Variants in ESS2 observed in about 807,000 individuals in gnomAD.
ESS2 encodes splicing factor ESS-2 homolog.
A neutral mutation model predicts 52.0 loss-of-function variants in ESS2; 31 were observed. The ratio of observed to expected loss-of-function variants is 0.60; its 90% CI spans 0.45 to 0.81. The LOEUF is 0.81. Ranked by LOEUF, ESS2 falls within the 30% of genes least tolerant of loss-of-function variation. ESS2 has a pLI of 0.00. For missense variants in ESS2, 602 were observed against 637.2 expected (o/e 0.94, Z 0.59); for synonymous variants, 285 against 259.2 (o/e 1.10, Z -0.95).
Position 19,137,729 on chromosome 22 carries a change from C to T in ESS2, c.926-297G>A, listed in dbSNP as rs977329879. 3 of 985,224 alleles carry T rather than the reference C, an allele frequency of 3.0e-6. No individual in the cohort carries two copies. In the African/African-American group the frequency reaches 5.2e-5, roughly 17 times the overall value. 61.0% of individuals were successfully genotyped at this position (985,224 alleles called of 1,614,324 possible). A position where few individuals can be genotyped will look rare whatever the true frequency, so the allele number is the denominator to read the frequency against. ...AGACACTCAGGCCTTCCAGGGCTCC[C>T]AAACCTCCTAGAACCCCAGGCAAAC... On this transcript the variant is annotated intron_variant, in intron 7 of 9. Coordinates refer to ENST00000252137, the MANE Select transcript of ESS2 (RefSeq NM_022719.3).
In ESS2 at chr22:19,138,131, G is replaced by A. The variant is rs186694150; in HGVS notation, c.925+84C>T. Reference sequence around the variant, plus strand: ...TGTGGGGCAGGCCAGGTAGAGGCCAGGAGTGGCCAGGGCCGACTGAGAAGC... The same window carrying A: ...TGTGGGGCAGGCCAGGTAGAGGCCAAGAGTGGCCAGGGCCGACTGAGAAGC... On this transcript the variant is annotated intron_variant, in intron 7 of 9. Coordinates refer to ENST00000252137, the MANE Select transcript of ESS2 (RefSeq NM_022719.3). 74 of 1,593,020 alleles carry A rather than the reference G, an allele frequency of 4.6e-5. No individual in the cohort carries two copies. The African/African-American group carries it at 8.1e-4, about 17-fold the overall frequency.
rs1201433738 is a variant in ESS2, at chr22:19,142,907, A to AT, written c.136-14dup. 3 of 1,608,490 alleles carry AT rather than the reference A, an allele frequency of 1.9e-6. No individual in the cohort carries two copies. Among genetic ancestry groups the AT allele is most frequent in the Non-Finnish European group, 2.5e-6 (3 of 1,177,474 alleles). Reference sequence around the variant, plus strand: ...CCGTCTGGAGGCCCTGCAAGGAGAGATCAGAATGAAAGTCAGAGGCCAGGC... The same window carrying AT: ...CCGTCTGGAGGCCCTGCAAGGAGAGATTCAGAATGAAAGTCAGAGGCCAGGC... On this transcript the variant is annotated splice_polypyrimidine_tract_variant and intron_variant, in intron 1 of 9. Coordinates refer to ENST00000252137, the MANE Select transcript of ESS2 (RefSeq NM_022719.3).
intron 6 of ESS2, among the ~76,000 whole-genome samples, chr22:19,138,929 C>A (rs1051491383): frequency 6.6e-6 from 1 of 152,206 alleles, no homozygotes; most frequent in Admixed American, 6.5e-5. Context: ...CCTGCCCCTG[C>A]CATCAAGGGA....
chr22:19,144,646 T>G lies in ESS2; in HGVS notation c.-6A>C. ...GATGCGCCCGGCGTCTCCATCGCTATCCCAGGAAAAAGCTCGGGCCCAGCA... is the reference window on the plus strand; with the variant it reads ...GATGCGCCCGGCGTCTCCATCGCTAGCCCAGGAAAAAGCTCGGGCCCAGCA... On this transcript the variant is annotated 5_prime_UTR_variant, in exon 1 of 10. Coordinates refer to ENST00000252137, the MANE Select transcript of ESS2 (RefSeq NM_022719.3). 6.7e-7 allele frequency: 1 copy of G among 1,502,754 alleles called. No individual in the cohort carries two copies. The highest frequency in any genetic ancestry group is 2.5e-5 in the East Asian group (1 of 39,364). The allele number at this position is 1,502,754 out of a possible 1,614,324, so 93.1% of individuals were successfully genotyped here.
intron 3 of ESS2, 40 bp from the exon 4 acceptor site, chr22:19,140,064 G>A: frequency 3.7e-6 from 6 of 1,606,532 alleles, no homozygotes; most frequent in Non-Finnish European, 5.1e-6. Context: ...AGCACCCTTT[G>A]CAGTCAGGAA....
chr22:19,137,349 C>A lies in ESS2; in HGVS notation c.1009G>T (p.Asp337Tyr). 6.2e-7 allele frequency: 1 copy of A among 1,613,736 alleles called. No homozygotes were observed. Among genetic ancestry groups the A allele is most frequent in the Non-Finnish European group, 8.5e-7 (1 of 1,179,804 alleles). ...RVEGSETPYV[D>Y]RTPGPAFKIL... ...TTAAAAGCTGGGCCGGGTGTCCTGT[C>A]CACGTAGGGCGTTTCCGACCCTTCA... Residue 337 changes from aspartate (D) to tyrosine (Y), a missense_variant, in exon 8 of 10, where the codon GAC becomes TAC. Transcript: ENST00000252137.
Position 19,132,770 on chromosome 22 carries a change from G to A in ESS2, c.*1426C>T, listed in dbSNP as rs1437172471. ...CAACCGCCCCACCTGACACACAGTG[G>A]TCTCCGGCCTAGGAGCACAGGACAG... On this transcript the variant is annotated 3_prime_UTR_variant, in exon 10 of 10. Coordinates refer to ENST00000252137, the MANE Select transcript of ESS2 (RefSeq NM_022719.3). The surrounding 1 kb of genome is among the most constrained non-coding windows in gnomAD (Gnocchi z 4.2). 7.4e-6 allele frequency: 3 copies of A among 404,398 alleles called. No homozygotes were observed. The highest frequency in any genetic ancestry group is 1.4e-5 in the Non-Finnish European group (3 of 220,448). The allele number at this position is 404,398 out of a possible 1,614,324, so 25.1% of individuals were successfully genotyped here.
rs766419391 is a variant in ESS2, at chr22:19,142,739, C to G, written c.291G>C (p.Glu97Asp). The G allele has an allele frequency of 6.2e-7, 1 of 1,613,836 alleles. No homozygotes were observed. The highest frequency in any genetic ancestry group is 8.5e-7 in the Non-Finnish European group (1 of 1,179,850). The change falls in exon 2 of 10, where the codon GAG (glutamate) becomes GAC (aspartate). Residue 97 changes from glutamate (E) to aspartate (D), a missense_variant. Physicochemically the swap from Glu to Asp is conservative, Grantham distance 45 (BLOSUM62 2). Coordinates refer to ENST00000252137, the MANE Select transcript of ESS2 (RefSeq NM_022719.3). ...FGSALGKMSR[E>D]PPPPYVTPAT... ...GGGTCCTCATACAGGGTGGCGGGGG[C>G]TCCCGGGACATCTTGCCCAAGGCAG...
Position 19,139,646 on chromosome 22 carries a change from G to GTA in ESS2, c.652_653dup (p.Lys219ThrfsTer43). 1.2e-6 allele frequency: 2 copies of GTA among 1,614,168 alleles called. No homozygotes were observed. The highest frequency in any genetic ancestry group is 1.7e-6 in the Non-Finnish European group (2 of 1,180,024). ...AGTACATGAGGGAATTCTTGGCCTT[G>GTA]TACTTCCAGGTCTCCACACTGGCCT... On this transcript the variant is annotated frameshift_variant, in exon 5 of 10. Coordinates refer to ENST00000252137, the MANE Select transcript of ESS2 (RefSeq NM_022719.3). LOFTEE classifies it high-confidence loss of function.
At chr22:19,138,082 A>G (rs2083615712) in intron 7 of ESS2, 133 bp downstream of exon 7, 5 of 1,500,566 alleles carry the variant, frequency 3.3e-6, no homozygotes, top group Non-Finnish European at 4.4e-6. Flanking sequence ...CAGACAGGAG[A>G]CCAGGTCCCT....
chr22:19,144,086 T>C (rs938779046), intron 1 of ESS2: 32 of 1,005,896 alleles, frequency 3.2e-5, no homozygotes, highest in East Asian at 1.1e-4. Flanking sequence ...AGCTCCTCCT[T>C]CTGTGTGCGT....
At chr22:19,141,365 C>G (rs2083683255) in intron 3 of ESS2, among the ~76,000 whole-genome samples, 1 of 152,154 alleles carries the variant, frequency 6.6e-6, no homozygotes, top group African/African-American at 2.4e-5. Flanking sequence ...TATACATGCA[C>G]TGACATTCTA....
rs769830493 is a variant in ESS2, at chr22:19,139,186, G to A, written c.795C>T (p.Leu265=). The A allele has an allele frequency of 1.2e-6, 2 of 1,603,970 alleles. No homozygotes were observed. The highest frequency in any genetic ancestry group is 1.1e-5 in the South Asian group (1 of 89,386). ...PFSQALSRCQ[L]QQAAALNAQH... is the part of the protein sequence containing the mutation. ...GGGCATTGAGGGCGGCTGCCTGCTG[G>A]AGCTGGCACCTGCTCAGGGCTTGGC... Residue 265 remains leucine (L), a synonymous_variant, in exon 6 of 10, where the codon CTC becomes CTT. Transcript: ENST00000252137.
intron 8 of ESS2, 62 bp downstream of exon 8, chr22:19,137,261 C>A (rs2083598909): frequency 3.3e-6 from 4 of 1,225,248 alleles, no homozygotes; most frequent in Non-Finnish European, 4.7e-6. Flanking sequence ...GAGCCACAGG[C>A]ACTCAGGGCT....
rs761090528 is a variant in ESS2, at chr22:19,131,687, C to T, written c.*2509G>A. 6 of 1,613,936 alleles carry T rather than the reference C, an allele frequency of 3.7e-6. No homozygotes were observed. The highest frequency in any genetic ancestry group is 2.2e-5 in the South Asian group (2 of 91,072). ...TCATCATGGAGCTTGGCGTCCAGGG[C>T]GACCTCCTCGAGTTCATCAAGTGCC... On this transcript the variant is annotated 3_prime_UTR_variant, in exon 10 of 10. Transcript: ENST00000252137. The surrounding 1 kb of genome is among the most constrained non-coding windows in gnomAD (Gnocchi z 5.7).
intron 2 of ESS2, 25 bp downstream of exon 2, chr22:19,142,701 T>C (rs1601365898): frequency 6.2e-7 from 1 of 1,610,724 alleles, no homozygotes; most frequent in South Asian, 1.1e-5. Flanking sequence ...CTTTCCCCTC[T>C]CCGCCACCCA....
At position 19,130,566 on chromosome 22, in the gene ESS2, C is replaced by T. The variant is rs1158969579; in HGVS notation, c.*3630G>A. ...GATTATTTCGATTGTATCTCCTTTA[C>T]AGCTTGGTCCAGAGAGCTGCCTTAG... On this transcript the variant is annotated 3_prime_UTR_variant, in exon 10 of 10. Coordinates refer to ENST00000252137, the MANE Select transcript of ESS2 (RefSeq NM_022719.3). The T allele has an allele frequency of 1.8e-5, 8 of 433,086 alleles. No individual in the cohort carries two copies. The East Asian group carries it at 5.8e-4, about 31-fold the overall frequency. 26.8% of individuals were successfully genotyped at this position (433,086 alleles called of 1,614,324 possible).
intron 6 of ESS2, among the ~76,000 whole-genome samples, chr22:19,138,858 T>C (rs989153677): frequency 3.9e-5 from 6 of 152,202 alleles, no homozygotes; most frequent in Admixed American, 6.5e-5. Flanking sequence ...CTGGCTTCCC[T>C]GCCCGGTGTG....
In ESS2 at chr22:19,134,269, G is replaced by A. The variant is rs2083541090; in HGVS notation, c.1358C>T (p.Thr453Ile). The A allele has an allele frequency of 6.3e-7, 1 of 1,587,526 alleles. No homozygotes were observed. Among genetic ancestry groups the A allele is most frequent in the Middle Eastern group, 1.7e-4 (1 of 5,832 alleles). ...APGSATRTPL[T>I]QDPASITDNL... ...GTCCGTGATGGAGGCCGGGTCCTGT[G>A]TGAGAGGGGTGCGTGTGGCAGAGCC... Residue 453 changes from threonine to isoleucine, a missense_variant, in exon 10 of 10, where the codon ACA (threonine) becomes ATA (isoleucine). Coordinates refer to ENST00000252137, the MANE Select transcript of ESS2 (RefSeq NM_022719.3).
Sources: gnomAD v4.1 joint callset for allele counts (sites outside exome capture counted in the v4.1 genomes callset) on GRCh38, gnomAD v4.1.1 for gene constraint, Gnocchi (gnomAD v3.1) non-coding constraint, MANE v1.5 for transcripts, NCBI Gene and HGNC (gene_info 2026-07-23, HGNC 2026-07-21) for gene names.